Variants in PCDHGA6 observed in about 807,000 individuals in gnomAD.
The protein encoded by PCDHGA6 is protocadherin gamma-A6.
PCDHGA6 carries 41 observed loss-of-function variants against 60.6 expected under a neutral mutation model. That is an observed-to-expected ratio of 0.68 (90% confidence interval 0.53 to 0.88). The LOEUF (loss-of-function observed/expected upper bound fraction) is 0.88. Among genes scored for constraint, PCDHGA6 ranks in the 40% least tolerant of loss-of-function variants. The pLI is 0.00. For missense variants in PCDHGA6, 1,312 were observed against 1,203.0 expected (o/e 1.09, Z -1.34); for synonymous variants, 594 against 524.4 (o/e 1.13, Z -1.81).
chr5:141,498,967 GGGAGGGAAGGAAGGAA>G (rs1333462541), intron 2 of PCDHGA6, among the ~76,000 whole-genome samples: 8 of 129,672 alleles, frequency 6.2e-5, no homozygotes, highest in East Asian at 2.2e-4. Context: ...GAGGGAGGGA[GGGAGGGAAGGAAGGAA>G]GGAAGGAAGG....
intron 1 of PCDHGA6, chr5:141,391,639 A>G (rs1166696968): frequency 6.6e-6 from 1 of 152,354 alleles, no homozygotes; most frequent in East Asian, 1.9e-4. Context: ...TAGTCAGTGA[A>G]AAAACTATCA....
Position 141,408,360 on chromosome 5 carries a change from A to G in PCDHGA6, c.2424+31853A>G, listed in dbSNP as rs373951875. 2.4e-5 allele frequency: 38 copies of G among 1,613,808 alleles called. No homozygotes were observed. In the African/African-American group the frequency reaches 3.7e-4, roughly 16 times the overall value. ...TCGGTGGTGGGGAACCTCGCTAAGG[A>G]TCTAGGGCTCAGTGTCCTGGATGTG... On this transcript the variant is annotated intron_variant, in intron 1 of 3. Coordinates refer to ENST00000517434, the MANE Select transcript of PCDHGA6 (RefSeq NM_018919.3).
intron 1 of PCDHGA6, chr5:141,417,697 C>T: frequency 8.8e-7 from 1 of 1,140,966 alleles, no homozygotes; most frequent in Non-Finnish European, 1.2e-6. Context: ...AAAACCAGCT[C>T]CCACACAGAG....
chr5:141,394,859 C>A, intron 1 of PCDHGA6: 1 of 1,613,758 alleles, frequency 6.2e-7, no homozygotes. Context: ...AGCCTTCGGT[C>A]GACCCGAACG....
At chr5:141,405,470 A>G in intron 1 of PCDHGA6, 1 of 1,108,980 alleles carries the variant, frequency 9.0e-7, no homozygotes, top group Non-Finnish European at 1.3e-6. Flanking sequence ...CCCAGGCTGG[A>G]ATGCAGTGGT....
intron 1 of PCDHGA6, chr5:141,383,043 C>G: frequency 9.3e-6 from 15 of 1,613,860 alleles, no homozygotes; most frequent in Non-Finnish European, 1.3e-5. Context: ...TGGGAGACAT[C>G]GCCAAGGACC....
At chr5:141,403,864 A>C in intron 1 of PCDHGA6, 1 of 1,613,794 alleles carries the variant, frequency 6.2e-7, no homozygotes, top group Non-Finnish European at 8.5e-7. Flanking sequence ...TATCAACAGC[A>C]AAAAGTCTAG....
chr5:141,443,656 A>T (rs139300845), intron 1 of PCDHGA6, among the ~76,000 whole-genome samples: 1 of 152,256 alleles, frequency 6.6e-6, no homozygotes, highest in African/African-American at 2.4e-5. Flanking sequence ...TTAGCATAGC[A>T]TTTTACTGAA....
At chr5:141,412,216 T>C (rs1247540521) in intron 1 of PCDHGA6, 1 of 152,244 alleles carries the variant, frequency 6.6e-6, no homozygotes, top group East Asian at 1.9e-4. Context: ...ACATAAACAC[T>C]TACTTGTTAA....
At chr5:141,418,131 A>C (rs1421799777) in intron 1 of PCDHGA6, 1 of 1,614,044 alleles carries the variant, frequency 6.2e-7, no homozygotes, top group East Asian at 2.2e-5. Flanking sequence ...GACCGAATAG[A>C]CCGTGAGCAA....
intron 1 of PCDHGA6, among the ~76,000 whole-genome samples, chr5:141,474,926 C>T (rs756761848): frequency 1.3e-5 from 2 of 152,218 alleles, no homozygotes; most frequent in Non-Finnish European, 2.9e-5. Context: ...TCATCTCTGG[C>T]TTATATCACA....
rs925541311 is a variant in PCDHGA6 at position 141,431,452 on chromosome 5, G to C, written c.2424+54945G>C. 11 of 1,613,630 alleles carry C rather than the reference G, an allele frequency of 6.8e-6. No individual in the cohort carries two copies. The highest frequency in any genetic ancestry group is 9.3e-6 in the Non-Finnish European group (11 of 1,179,982). On this transcript the variant is annotated intron_variant, in intron 1 of 3. Transcript: ENST00000517434. The surrounding 1 kb of genome is among the most constrained non-coding windows in gnomAD (Gnocchi z 4.8). ...CAGGCACCGCGCGCATCCGCGTGAT[G>C]GTTCTGGATGCGAACGACAACGCAC...
At chr5:141,465,241 G>C (rs2099099198) in intron 1 of PCDHGA6, among the ~76,000 whole-genome samples, 1 of 151,964 alleles carries the variant, frequency 6.6e-6, no homozygotes, top group South Asian at 2.1e-4. Flanking sequence ...CAAGTTCAAG[G>C]CACTTTTGTA....
chr5:141,448,955 A>G (rs929888928), intron 1 of PCDHGA6, among the ~76,000 whole-genome samples: 1 of 152,174 alleles, frequency 6.6e-6, no homozygotes. Flanking sequence ...AAAAAAACAA[A>G]CAAACAAACA....
chr5:141,378,155 T>C (rs1471483193), intron 1 of PCDHGA6: 1 of 152,258 alleles, frequency 6.6e-6, no homozygotes, highest in Non-Finnish European at 1.5e-5. Flanking sequence ...AATTATTGGG[T>C]TGTTAACAAT....
intron 1 of PCDHGA6, among the ~76,000 whole-genome samples, chr5:141,472,967 C>G (rs1040253926): frequency 1.7e-5 from 1 of 58,336 alleles, no homozygotes; most frequent in South Asian, 5.1e-4. Flanking sequence ...GCCTGGGGAA[C>G]AAGAGTGAAA....
rs376466215 is a variant in PCDHGA6, at chr5:141,390,102, A to G, written c.2424+13595A>G. ...TAAATCCGAATCCGTGGTTCCCCCC[A>G]ACTACAGCGAGGGGACTTTGCCTTA... is the stretch of plus-strand genomic sequence containing the variant. On this transcript the variant is annotated intron_variant, in intron 1 of 3. Transcript: ENST00000517434. The G allele has an allele frequency of 4.3e-6, 7 of 1,613,886 alleles. No homozygotes were observed. The African/African-American group carries it at 6.7e-5, about 15-fold the overall frequency.
chr5:141,501,501 T>C (rs2099809553), intron 2 of PCDHGA6, among the ~76,000 whole-genome samples: 1 of 151,938 alleles, frequency 6.6e-6, no homozygotes, highest in Non-Finnish European at 1.5e-5. Context: ...CTGCTGGGGC[T>C]CCAAGGCCTC....
At chr5:141,418,369 C>G (rs763319499) in intron 1 of PCDHGA6, 62 of 1,613,842 alleles carry the variant, frequency 3.8e-5, no homozygotes, top group Non-Finnish European at 4.8e-5. Context: ...TGAGCAAATA[C>G]CAACTAAGTC....
Sources: allele counts gnomAD v4.1 joint callset (sites outside exome capture counted in the v4.1 genomes callset), GRCh38; gene constraint gnomAD v4.1.1; non-coding constraint Gnocchi (gnomAD v3.1); transcripts MANE v1.5; gene names NCBI Gene and HGNC (gene_info 2026-07-23, HGNC 2026-07-21).